The following PCDHA2 variants were observed in gnomAD, a reference collection of about 807,000 sequenced individuals.
The protein encoded by PCDHA2 is protocadherin alpha-2.
A neutral mutation model predicts 66.0 loss-of-function variants in PCDHA2; 58 were observed. That is an observed-to-expected ratio of 0.88 (90% CI 0.71 to 1.09). The LOEUF (loss-of-function observed/expected upper bound fraction) is 1.09, where lower values mean the gene tolerates loss of function less well. Ranked by LOEUF, PCDHA2 falls within the 50% of genes least tolerant of loss-of-function variation. The probability of loss-of-function intolerance (pLI) is 0.00; values close to 1 mark genes in which losing one functional copy is unlikely to be tolerated. For missense variants in PCDHA2, 1,267 were observed against 1,242.3 expected (o/e 1.02, Z -0.30); for synonymous variants, 634 against 554.0 (o/e 1.14, Z -2.03).
At chr5:140,984,942 A>C (rs1263555467) in intron 3 of PCDHA2, among the ~76,000 whole-genome samples, 1 of 151,954 alleles carries the variant, frequency 6.6e-6, no homozygotes, top group Admixed American at 6.6e-5. Context: ...ATAAATGTCT[A>C]ATCTTTTTTT....
chr5:140,883,332 T>A, intron 1 of PCDHA2: 1 of 1,614,174 alleles, frequency 6.2e-7, no homozygotes, highest in East Asian at 2.2e-5. Context: ...ATCACTTCTT[T>A]GTCACTCCCC....
At chr5:140,913,993 G>A (rs2076550293) in intron 1 of PCDHA2, among the ~76,000 whole-genome samples, 2 of 152,040 alleles carry the variant, frequency 1.3e-5, no homozygotes, top group South Asian at 4.2e-4. Flanking sequence ...ATTGTGACTA[G>A]CATATGGTCT....
At position 140,797,263 on chromosome 5, in the gene PCDHA2, A is replaced by T; in HGVS notation, c.2299A>T (p.Thr767Ser). Reference protein sequence around the residue: ...RVCSGEDPPKTDLMAFSPSLS... With the variant: ...RVCSGEDPPKSDLMAFSPSLS... ...GTGCTCTGGGGAGGACCCCCCCAAG[A>T]CGGACCTCATGGCCTTCAGCCCTAG... Residue 767 changes from threonine to serine, a missense_variant, in exon 1 of 4, where the codon ACG (threonine) becomes TCG (serine). Physicochemically the swap from Thr to Ser is moderately conservative, Grantham distance 58. Coordinates refer to ENST00000526136, the MANE Select transcript of PCDHA2 (RefSeq NM_018905.3). 6.2e-7 allele frequency: 1 copy of T among 1,614,188 alleles called. No individual in the cohort carries two copies. Among genetic ancestry groups the T allele is most frequent in the South Asian group, 1.1e-5 (1 of 91,088 alleles).
intron 1 of PCDHA2, among the ~76,000 whole-genome samples, chr5:140,959,954 A>G (rs1054998147): frequency 6.6e-6 from 1 of 152,198 alleles, no homozygotes; most frequent in East Asian, 1.9e-4. Context: ...TATCATAGGT[A>G]GGAGGTAGAT....
At chr5:140,859,454 C>G (rs1400169609) in intron 1 of PCDHA2, 1 of 217,780 alleles carries the variant, frequency 4.6e-6, no homozygotes, top group South Asian at 1.1e-4. Context: ...TGCAGAGTGA[C>G]AAAACTACAC....
chr5:141,009,315 C>G (rs1292643535), intron 3 of PCDHA2, among the ~76,000 whole-genome samples: 2 of 152,132 alleles, frequency 1.3e-5, no homozygotes, highest in Admixed American at 6.6e-5. Context: ...AAAAGCTAGC[C>G]TGGCATGGGA....
chr5:140,894,354 TTTC>T (rs1477056787), intron 1 of PCDHA2, among the ~76,000 whole-genome samples: 2 of 152,070 alleles, frequency 1.3e-5, no homozygotes, highest in Admixed American at 1.3e-4. Context: ...TTACTTCAGA[TTTC>T]TTCTTCAATG....
chr5:140,990,977 G>T (rs1554251868), intron 3 of PCDHA2, among the ~76,000 whole-genome samples: 1 of 152,156 alleles, frequency 6.6e-6, no homozygotes, highest in African/African-American at 2.4e-5. Context: ...CAAGAGAAAG[G>T]AAGACAATAG....
intron 1 of PCDHA2, chr5:140,807,282 A>C: frequency 6.2e-7 from 1 of 1,614,210 alleles, no homozygotes; most frequent in Non-Finnish European, 8.5e-7. Flanking sequence ...GGTCAGCTCC[A>C]CTACTCGGTC....
rs2126647218 is a variant in PCDHA2 at position 140,813,524 on chromosome 5, A to T, written c.2388+16172A>T. ...CAGTAAAAACATTGTACAGATTTTT[A>T]AAATGGTACACCTGAATAGGGTACT... On this transcript the variant is annotated intron_variant, in intron 1 of 3. Coordinates refer to ENST00000526136, the MANE Select transcript of PCDHA2 (RefSeq NM_018905.3). The T allele has an allele frequency of 4.6e-5, 7 of 152,318 alleles. No individual in the cohort carries two copies. In the East Asian group the frequency reaches 7.7e-4, roughly 17 times the overall value. The allele number at this position is 152,318 out of a possible 1,614,324, so 9.4% of individuals were successfully genotyped here.
intron 1 of PCDHA2, among the ~76,000 whole-genome samples, chr5:140,975,757 A>G (rs779490429): frequency 6.6e-5 from 10 of 152,234 alleles, no homozygotes; most frequent in South Asian, 2.1e-4. Flanking sequence ...ATTCTATGTC[A>G]TAAATCACAG....
At chr5:140,948,679 A>C (rs1318286539) in intron 1 of PCDHA2, among the ~76,000 whole-genome samples, 1 of 151,394 alleles carries the variant, frequency 6.6e-6, no homozygotes, top group Admixed American at 6.6e-5. Context: ...CATCTTTTTC[A>C]TTTTTGATAT....
chr5:140,851,152 C>A, intron 1 of PCDHA2: 2 of 1,305,064 alleles, frequency 1.5e-6, no homozygotes, highest in Non-Finnish European at 2.0e-6. Context: ...CATTGAATTT[C>A]TGATGCTATG....
chr5:140,947,756 T>A (rs1354995389), intron 1 of PCDHA2, among the ~76,000 whole-genome samples: 1 of 151,644 alleles, frequency 6.6e-6, no homozygotes, highest in Non-Finnish European at 1.5e-5. Flanking sequence ...TATTTTATGG[T>A]TTAAAAAATT....
At chr5:140,869,022 C>G in intron 1 of PCDHA2, 1 of 1,525,610 alleles carries the variant, frequency 6.6e-7, no homozygotes, top group African/African-American at 1.4e-5. Flanking sequence ...CTTAAGAATT[C>G]AACGAGATTT....
At chr5:140,948,849 C>A (rs2094312653) in intron 1 of PCDHA2, among the ~76,000 whole-genome samples, 1 of 151,046 alleles carries the variant, frequency 6.6e-6, no homozygotes, top group Admixed American at 6.6e-5. Flanking sequence ...GTATTATTTG[C>A]CTTCTTATAT....
At chr5:140,890,776 A>G (rs1554184541) in intron 1 of PCDHA2, among the ~76,000 whole-genome samples, 1 of 152,316 alleles carries the variant, frequency 6.6e-6, no homozygotes, top group Non-Finnish European at 1.5e-5. Flanking sequence ...TTAAAACCCC[A>G]TAAGATATTA....
At chr5:140,868,806 G>C (rs374832846) in intron 1 of PCDHA2, 8 of 356,954 alleles carry the variant, frequency 2.2e-5, no homozygotes, top group Non-Finnish European at 4.0e-5. Flanking sequence ...AAATAAGCAC[G>C]TTGGAAATAT....
intron 1 of PCDHA2, chr5:140,821,712 T>C (rs1314797698): frequency 1.0e-5 from 15 of 1,473,256 alleles, no homozygotes; most frequent in Non-Finnish European, 1.4e-5. Flanking sequence ...TAATTGGGAA[T>C]TGAATTTACA....
Sources: allele counts gnomAD v4.1 joint callset (sites outside exome capture counted in the v4.1 genomes callset), GRCh38; gene constraint gnomAD v4.1.1; transcripts MANE v1.5; gene names NCBI Gene and HGNC (gene_info 2026-07-23, HGNC 2026-07-21).